Variants in ENOX1 observed in about 807,000 individuals in gnomAD.
The protein encoded by ENOX1 is candidate growth-related and time keeping constitutive hydroquinone (NADH) oxidase.
Under a neutral mutation model 82.5 loss-of-function variants are expected in ENOX1, and 42 were observed. The observed-to-expected ratio is 0.51, with a 90% CI of 0.40 to 0.66. ENOX1 has a LOEUF of 0.66. ENOX1 is among the 30% of genes least tolerant of loss of function. The pLI, the probability that ENOX1 is intolerant of heterozygous loss-of-function variation, is 0.00. For missense variants in ENOX1, 608 were observed against 811.6 expected (o/e 0.75, Z 3.05); for synonymous variants, 271 against 282.2 (o/e 0.96, Z 0.40).
At chr13:43,285,299 T>TTA (rs1566421559) in intron 12 of ENOX1, among the ~76,000 whole-genome samples, 1 of 152,118 alleles carries the variant, frequency 6.6e-6, no homozygotes, top group Admixed American at 6.5e-5. Context: ...CACTCTATGT[T>TTA]TATATATATA....
chr13:43,231,675 TTCTTCTGACAAGGCATCTGTAGCA>T (rs1287367464), intron 15 of ENOX1, among the ~76,000 whole-genome samples: 6 of 152,206 alleles, frequency 3.9e-5, no homozygotes, highest in African/African-American at 1.4e-4. Flanking sequence ...CAGCTGTCCT[TTCTTCTGACAAGGCATCTGTAGCA>T]TAAGTAGCTC....
chr13:43,543,703 T>C (rs1474978720), intron 2 of ENOX1, among the ~76,000 whole-genome samples: 1 of 149,080 alleles, frequency 6.7e-6, no homozygotes, highest in East Asian at 2.0e-4. Flanking sequence ...TTTTCAGAAA[T>C]CCTGTCTTAT....
At chr13:43,496,434 G>C (rs999762454) in intron 2 of ENOX1, among the ~76,000 whole-genome samples, 8 of 151,754 alleles carry the variant, frequency 5.3e-5, no homozygotes, top group African/African-American at 7.3e-5. Flanking sequence ...TGCCCAGGCT[G>C]GAGTGCAGTG....
chr13:43,756,775 AAGAT>A (rs1226499380), intron 1 of ENOX1, among the ~76,000 whole-genome samples: 2 of 152,244 alleles, frequency 1.3e-5, no homozygotes, highest in East Asian at 3.9e-4. Context: ...TGTTACAAAA[AAGAT>A]GAAAATTACC....
At position 43,279,731 on chromosome 13, in the gene ENOX1, G is replaced by A. The variant is rs188055461; in HGVS notation, c.1447-10154C>T. ...TGAAAGTGCTGTCATTATCCTCTTT[G>A]CAAAAATGGAAACACTAAGTCCCAC... On this transcript the variant is annotated intron_variant, in intron 12 of 16. Coordinates refer to ENST00000690772, the MANE Select transcript of ENOX1 (RefSeq NM_001347969.2). Among the ~76,000 whole-genome samples, 40 of 152,306 alleles carry A rather than the reference G, an allele frequency of 2.6e-4. No homozygotes were observed. The South Asian group carries it at 6.6e-3, about 25-fold the overall frequency.
At chr13:43,322,298 G>C (rs925536907) in intron 11 of ENOX1, 86 bp downstream of exon 11, 9 of 992,450 alleles carry the variant, frequency 9.1e-6, no homozygotes, top group Non-Finnish European at 1.4e-5. Flanking sequence ...ATAAAAGTGA[G>C]TTATAGGGCC....
At chr13:43,328,464 G>C (rs1400701051) in intron 9 of ENOX1, among the ~76,000 whole-genome samples, 1 of 152,188 alleles carries the variant, frequency 6.6e-6, no homozygotes, top group Non-Finnish European at 1.5e-5. Context: ...CAGTCCTAAG[G>C]GGAAAGGACA....
In ENOX1 at chr13:43,373,611, C is replaced by G. The variant is rs1031327184; in HGVS notation, c.209-12159G>C. Among the ~76,000 whole-genome samples, 6 of 152,210 alleles carry G rather than the reference C, an allele frequency of 3.9e-5. 1 individual carries two copies. The highest frequency in any genetic ancestry group is 2.6e-4 in the Admixed American group (4 of 15,278). On this transcript the variant is annotated intron_variant, in intron 5 of 16. Coordinates refer to ENST00000690772, the MANE Select transcript of ENOX1 (RefSeq NM_001347969.2). ...ACATACACACACGTGTGCATAAACA[C>G]ACACACACGTGTCTTTTTAATAAAT...
intron 12 of ENOX1, among the ~76,000 whole-genome samples, chr13:43,279,506 G>A (rs2045251872): frequency 6.6e-6 from 1 of 152,170 alleles, no homozygotes; most frequent in Admixed American, 6.5e-5. Context: ...TGGTTTGGAA[G>A]GCTCTAAAAT....
At chr13:43,313,066 C>G (rs1057019785) in intron 11 of ENOX1, among the ~76,000 whole-genome samples, 1 of 152,122 alleles carries the variant, frequency 6.6e-6, no homozygotes, top group South Asian at 2.1e-4. Flanking sequence ...ATTCTGGAGT[C>G]CTTTTCCCAT....
chr13:43,482,106 G>T (rs2058528251), intron 3 of ENOX1, among the ~76,000 whole-genome samples: 1 of 152,114 alleles, frequency 6.6e-6, no homozygotes, highest in African/African-American at 2.4e-5. Flanking sequence ...ATTAAAAATA[G>T]AACTACCATA....
intron 5 of ENOX1, among the ~76,000 whole-genome samples, chr13:43,375,289 T>C (rs1406111245): frequency 6.6e-6 from 1 of 151,854 alleles, no homozygotes; most frequent in East Asian, 1.9e-4. Flanking sequence ...AGAGAGATAG[T>C]GTCTATGTAT....
intron 2 of ENOX1, among the ~76,000 whole-genome samples, chr13:43,552,119 G>C (rs562328431): frequency 2.6e-5 from 4 of 151,970 alleles, no homozygotes; most frequent in African/African-American, 9.7e-5. Flanking sequence ...CTCTTTGAGA[G>C]CCCTGACTTA....
chr13:43,359,070 C>A (rs1048556978), intron 7 of ENOX1, among the ~76,000 whole-genome samples: 1 of 152,106 alleles, frequency 6.6e-6, no homozygotes, highest in Non-Finnish European at 1.5e-5. Flanking sequence ...GGTCCCCCTG[C>A]CCCTCCCCAC....
At chr13:43,568,705 G>A (rs755153145) in intron 2 of ENOX1, among the ~76,000 whole-genome samples, 18 of 136,878 alleles carry the variant, frequency 1.3e-4, no homozygotes, top group Admixed American at 2.2e-4. Context: ...TTTTTTTCTG[G>A]GTCTGCCAAA....
chr13:43,564,592 T>C (rs138227287), intron 2 of ENOX1, among the ~76,000 whole-genome samples: 1 of 152,242 alleles, frequency 6.6e-6, no homozygotes, highest in African/African-American at 2.4e-5. Flanking sequence ...GGGAGTGCAG[T>C]GAAAGGCTGT....
chr13:43,687,042 G>A (rs896400072), intron 1 of ENOX1, among the ~76,000 whole-genome samples: 39 of 152,110 alleles, frequency 2.6e-4, no homozygotes, highest in African/African-American at 8.9e-4. Context: ...AATAGGTAAC[G>A]ACGGAATTTG....
intron 9 of ENOX1, among the ~76,000 whole-genome samples, chr13:43,331,859 C>T (rs557191709): frequency 6.6e-6 from 1 of 152,280 alleles, no homozygotes; most frequent in South Asian, 2.1e-4. Flanking sequence ...AGACAGACTC[C>T]TGCACATTCA....
chr13:43,476,690 A>G (rs2058299265), intron 3 of ENOX1, among the ~76,000 whole-genome samples: 1 of 152,188 alleles, frequency 6.6e-6, no homozygotes, highest in Non-Finnish European at 1.5e-5. Context: ...GTAAAGCTAC[A>G]TTAGAAACTA....
Sources: allele counts gnomAD v4.1 joint callset (sites outside exome capture counted in the v4.1 genomes callset), GRCh38; gene constraint gnomAD v4.1.1; transcripts MANE v1.5; gene names NCBI Gene and HGNC (gene_info 2026-07-23, HGNC 2026-07-21).